The following SLC5A1 variants were observed in gnomAD, a reference collection of about 807,000 sequenced individuals.
SLC5A1 encodes sodium/glucose cotransporter 1.
Under a neutral mutation model 73.5 loss-of-function variants are expected in SLC5A1, and 42 were observed. The observed-to-expected ratio is 0.57, with a 90% CI of 0.45 to 0.74. The LOEUF (loss-of-function observed/expected upper bound fraction) is 0.74. Among genes scored for constraint, SLC5A1 ranks in the 30% least tolerant of loss-of-function variants. The pLI is 0.00. For missense variants in SLC5A1, 634 were observed against 855.4 expected, an observed-to-expected ratio of 0.74 and a Z score of 3.23; for synonymous variants, 300 against 317.4, an observed-to-expected ratio of 0.95 and a Z score of 0.58.
chr22:32,106,085 C>A (rs1193881382), intron 14 of SLC5A1, among the ~76,000 whole-genome samples: 1 of 152,160 alleles, frequency 6.6e-6, no homozygotes, highest in Admixed American at 6.5e-5. Flanking sequence ...AATTTCCTTT[C>A]TTTTGGGCAT....
chr22:32,104,694 C>T, intron 13 of SLC5A1, 92 bp from the exon 14 acceptor site: 1 of 869,808 alleles, frequency 1.1e-6, no homozygotes, highest in Non-Finnish European at 1.9e-6. Flanking sequence ...CATTCCCTTC[C>T]CTTCCTTGAT....
chr22:32,092,304 C>T (rs544951006), intron 11 of SLC5A1, among the ~76,000 whole-genome samples: 1 of 152,264 alleles, frequency 6.6e-6, no homozygotes, highest in African/African-American at 2.4e-5. Flanking sequence ...GAGTAGGATT[C>T]CATCATATGT....
At position 32,084,463 on chromosome 22, in the gene SLC5A1, A is replaced by G; in HGVS notation, c.689A>G (p.Asp230Gly). ...GFAFHEVGGY[D>G]AFMEKYMKAI... The stretch of plus-strand genomic sequence containing the variant: ...GCTTTTCACGAAGTGGGAGGCTATG[A>G]CGCCTTCATGGAAAAGTACATGAAA... The change falls in exon 8 of 15, where the codon GAC (aspartate) becomes GGC (glycine). Residue 230 changes from aspartate to glycine, a missense_variant. By Grantham distance (94) the Asp-to-Gly change is moderately conservative (BLOSUM62 -1). Transcript: ENST00000266088. 6.2e-7 allele frequency: 1 copy of G among 1,614,208 alleles called. No individual in the cohort carries two copies. The highest frequency in any genetic ancestry group is 8.5e-7 in the Non-Finnish European group (1 of 1,180,012).
chr22:32,049,183 C>A (rs62240636), intron 1 of SLC5A1, among the ~76,000 whole-genome samples: 2 of 28,474 alleles, frequency 7.0e-5, no homozygotes, highest in Non-Finnish European at 2.8e-4. Context: ...ATATCTATAT[C>A]TATATCTATA....
At chr22:32,067,242 G>A (rs2149487842) in intron 3 of SLC5A1, among the ~76,000 whole-genome samples, 1 of 152,312 alleles carries the variant, frequency 6.6e-6, no homozygotes, top group Non-Finnish European at 1.5e-5. Context: ...CCACTGGTAT[G>A]ACAGCAATAG....
intron 5 of SLC5A1, among the ~76,000 whole-genome samples, chr22:32,081,529 G>A (rs563185532): frequency 2.6e-4 from 40 of 152,310 alleles, no homozygotes; most frequent in African/African-American, 9.6e-4. Context: ...CAGTCTACAG[G>A]TGACTTGCAA....
At chr22:32,080,015 T>C (rs2093997036) in intron 5 of SLC5A1, among the ~76,000 whole-genome samples, 2 of 152,286 alleles carry the variant, frequency 1.3e-5, no homozygotes, top group Admixed American at 6.5e-5. Context: ...CACAAGTCCC[T>C]GGAGCCAGGA....
chr22:32,097,499 G>A (rs1333478204), intron 11 of SLC5A1, among the ~76,000 whole-genome samples: 3 of 152,204 alleles, frequency 2.0e-5, no homozygotes. Flanking sequence ...AGCTTGCAAG[G>A]ACATCTCCAG....
At chr22:32,073,738 T>C (rs2093986395) in intron 5 of SLC5A1, among the ~76,000 whole-genome samples, 1 of 152,258 alleles carries the variant, frequency 6.6e-6, no homozygotes, top group South Asian at 2.1e-4. Context: ...TGTATATTTT[T>C]AGTAGAGACG....
At chr22:32,060,148 C>T (rs879292220) in intron 2 of SLC5A1, among the ~76,000 whole-genome samples, 3,855 of 32,530 alleles carry the variant, frequency 0.12, 92 homozygotes, top group Non-Finnish European at 0.27. Flanking sequence ...TACACATACA[C>T]ACACACACAC....
chr22:32,086,577 C>T (rs896768513), intron 10 of SLC5A1, among the ~76,000 whole-genome samples: 1 of 152,148 alleles, frequency 6.6e-6, no homozygotes, highest in African/African-American at 2.4e-5. Flanking sequence ...AGGAGATGAT[C>T]TGAAAACTTG....
In SLC5A1 at chr22:32,110,849, AG is replaced by A. The variant is rs1569320272; in HGVS notation, c.*637del. On this transcript the variant is annotated 3_prime_UTR_variant, in exon 15 of 15. Coordinates refer to ENST00000266088, the MANE Select transcript of SLC5A1 (RefSeq NM_000343.4). Reference sequence around the variant, plus strand: ...GGGACCCGGGCCCCAGCCTCAAGCTAGTGGGGGAGGCAGATAGCCTGAATCC... The same window carrying A: ...GGGACCCGGGCCCCAGCCTCAAGCTATGGGGGAGGCAGATAGCCTGAATCC... 6.4e-6 allele frequency: 1 copy of A among 155,472 alleles called. No homozygotes were observed. The highest frequency in any genetic ancestry group is 1.9e-4 in the East Asian group (1 of 5,268). The allele number at this position is 155,472 out of a possible 1,614,324, so 9.6% of individuals were successfully genotyped here.
chr22:32,087,220 A>G (rs1252146545), intron 10 of SLC5A1, among the ~76,000 whole-genome samples: 1 of 152,224 alleles, frequency 6.6e-6, no homozygotes, highest in Non-Finnish European at 1.5e-5. Flanking sequence ...TGTATACTTG[A>G]AAATTGCCAA....
At chr22:32,050,170 G>A (rs954123829) in intron 2 of SLC5A1, among the ~76,000 whole-genome samples, 156 bp downstream of exon 2, 1 of 152,118 alleles carries the variant, frequency 6.6e-6, no homozygotes, top group African/African-American at 2.4e-5. Flanking sequence ...GGTCTCCTGG[G>A]CACCCTTAAT....
In SLC5A1 at chr22:32,109,986, C is replaced by T; in HGVS notation, c.1772-4C>T. The T allele has an allele frequency of 6.2e-7, 1 of 1,612,738 alleles. No individual in the cohort carries two copies. Among genetic ancestry groups the T allele is most frequent in the Non-Finnish European group, 8.5e-7 (1 of 1,178,892 alleles). On this transcript the variant is annotated splice_region_variant and splice_polypyrimidine_tract_variant and intron_variant, in intron 14 of 14. Coordinates refer to ENST00000266088, the MANE Select transcript of SLC5A1 (RefSeq NM_000343.4). The stretch of plus-strand genomic sequence containing the variant: ...TCCAATAATTCTTCTATGCCTTTGC[C>T]CAGAAACACAAGTTCCTGAGAAGAA...
At chr22:32,109,869 T>C (rs2094053037) in intron 14 of SLC5A1, 121 bp from the exon 15 acceptor site, 2 of 739,160 alleles carry the variant, frequency 2.7e-6, no homozygotes, top group African/African-American at 1.8e-5. Context: ...TTTGGGGAAA[T>C]TTCTCATTTT....
intron 2 of SLC5A1, among the ~76,000 whole-genome samples, chr22:32,063,076 T>C (rs936222847): frequency 6.6e-6 from 1 of 152,084 alleles, no homozygotes; most frequent in Admixed American, 6.5e-5. Flanking sequence ...AGAAAGAGAT[T>C]TCTGGTGTCT....
intron 2 of SLC5A1, among the ~76,000 whole-genome samples, chr22:32,060,014 T>TACAC (rs58053068): frequency 0.031 from 4,307 of 137,594 alleles, 83 homozygotes; most frequent in Middle Eastern, 0.053. Flanking sequence ...GCCATGGTTA[T>TACAC]ACACACACAC....
chr22:32,089,857 T>C (rs532862831), intron 10 of SLC5A1, among the ~76,000 whole-genome samples: 3 of 152,334 alleles, frequency 2.0e-5, no homozygotes, highest in African/African-American at 7.2e-5. Flanking sequence ...CCTGGCCTTC[T>C]AGCCTCAGCA....
Sources: gnomAD v4.1 joint callset for allele counts (sites outside exome capture counted in the v4.1 genomes callset) on GRCh38, gnomAD v4.1.1 for gene constraint, MANE v1.5 for transcripts, NCBI Gene and HGNC (gene_info 2026-07-23, HGNC 2026-07-21) for gene names.